Variants in AIRIM observed in about 807,000 individuals in gnomAD.
AIRIM encodes the protein AFG2-interacting ribosome maturation factor.
chr1:37,689,972 G>C, the AIRIM span: 7 of 1,459,248 alleles, frequency 4.8e-6, no homozygotes, highest in Non-Finnish European at 5.4e-6. Context: ...CGTCATCTCT[G>C]TTATCGTGTT....
the AIRIM span, among the ~76,000 whole-genome samples, chr1:37,685,970 C>A: frequency 0.02 from 3,109 of 152,228 alleles, 94 homozygotes; most frequent in African/African-American, 0.07. Flanking sequence ...TATTTTAAAT[C>A]ACAACTCCAC....
chr1:37,683,281 G>A, the AIRIM span: 7 of 1,613,186 alleles, frequency 4.3e-6, no homozygotes, highest in Non-Finnish European at 5.1e-6. Context: ...GGAGAGAAAG[G>A]AGGAGAGGAG....
chr1:37,689,437 G>A, the AIRIM span: 1 of 697,254 alleles, frequency 1.4e-6, no homozygotes, highest in Non-Finnish European at 2.3e-6. Flanking sequence ...GCCAGAAAAT[G>A]GCTTTCTGAC....
the AIRIM span, among the ~76,000 whole-genome samples, chr1:37,685,625 C>T: frequency 6.6e-6 from 1 of 152,058 alleles, no homozygotes; most frequent in African/African-American, 2.4e-5. Context: ...CGGGCTCAAG[C>T]AGTCCTCCCA....
At chr1:37,690,278 C>G in the AIRIM span, 1 of 1,292,356 alleles carries the variant, frequency 7.7e-7, no homozygotes, top group Non-Finnish European at 1.0e-6. Context: ...AGCCACCGCG[C>G]CCGGCCTGCC....
chr1:37,689,750 T>C, the AIRIM span: 7 of 1,613,718 alleles, frequency 4.3e-6, no homozygotes, highest in Non-Finnish European at 5.9e-6. Flanking sequence ...TTCCGCCAGG[T>C]TGCTGAGGGA....
At chr1:37,687,086 G>T in the AIRIM span, among the ~76,000 whole-genome samples, 1,437 of 143,650 alleles carry the variant, frequency 0.01, 26 homozygotes, top group African/African-American at 0.04. Context: ...GTGTGTGTGT[G>T]TGTGTGTGTG....
At chr1:37,685,706 C>T in the AIRIM span, among the ~76,000 whole-genome samples, 4 of 152,230 alleles carry the variant, frequency 2.6e-5, no homozygotes, top group African/African-American at 9.6e-5. Context: ...CTTTCAAAGA[C>T]CTTCAAGGCC....
chr1:37,685,940 G>T, the AIRIM span, among the ~76,000 whole-genome samples: 1 of 152,080 alleles, frequency 6.6e-6, no homozygotes, highest in African/African-American at 2.4e-5. Context: ...ACTTTCTCAT[G>T]AAGCCTGCTC....
chr1:37,684,399 G>T, the AIRIM span, among the ~76,000 whole-genome samples: 1 of 152,138 alleles, frequency 6.6e-6, no homozygotes, highest in Non-Finnish European at 1.5e-5. Context: ...ACTTTGGGAG[G>T]CCTGAGGTCA....
the AIRIM span, chr1:37,689,430 A>T: frequency 1.5e-6 from 1 of 684,608 alleles, no homozygotes; most frequent in Non-Finnish European, 2.4e-6. Context: ...AGAAAATGCC[A>T]GAAAATGGCT....
chr1:37,682,990 C>A, the AIRIM span: 1 of 926,368 alleles, frequency 1.1e-6, no homozygotes, highest in Non-Finnish European at 1.7e-6. Flanking sequence ...CCCCAAGACC[C>A]AGTCCTAAGG....
At chr1:37,683,174 A>G in the AIRIM span, 2 of 1,610,412 alleles carry the variant, frequency 1.2e-6, no homozygotes, top group African/African-American at 2.7e-5. Context: ...AAATAGGAAG[A>G]CAGAAAAAAT....
chr1:37,682,848 C>G, the AIRIM span: 3 of 405,438 alleles, frequency 7.4e-6, no homozygotes, highest in Non-Finnish European at 1.3e-5. Context: ...TCTTCAGCAC[C>G]GTCTTTCCTG....
chr1:37,689,712 A>G, the AIRIM span: 1 of 1,613,924 alleles, frequency 6.2e-7, no homozygotes, highest in Admixed American at 1.7e-5. Flanking sequence ...ACATCCTCAA[A>G]CCGCAGGTTC....
At chr1:37,690,322 G>C in the AIRIM span, 1 of 1,290,432 alleles carries the variant, frequency 7.7e-7, no homozygotes, top group African/African-American at 1.5e-5. Flanking sequence ...GTTTCCCCTC[G>C]GGAAGGGTAA....
the AIRIM span, chr1:37,681,677 C>T: frequency 1.3e-5 from 2 of 152,086 alleles, no homozygotes; most frequent in Admixed American, 1.3e-4. Flanking sequence ...GATAACGGTA[C>T]ATTTCTATGT....
At chr1:37,691,568 T>A in the AIRIM span, 1 of 155,950 alleles carries the variant, frequency 6.4e-6, no homozygotes, top group African/African-American at 2.4e-5. Flanking sequence ...GCACAACTCT[T>A]GAGCAATCCA....
the AIRIM span, chr1:37,690,353 G>A: frequency 2.3e-6 from 3 of 1,289,972 alleles, no homozygotes; most frequent in South Asian, 1.2e-5. Context: ...GCAGTCTCCT[G>A]CTTCAGAGGA....
Sources: gnomAD v4.1 joint callset for allele counts (sites outside exome capture counted in the v4.1 genomes callset) on GRCh38, gnomAD v4.1.1 for gene constraint, MANE v1.5 for transcripts, NCBI Gene and HGNC (gene_info 2026-07-23, HGNC 2026-07-21) for gene names.